Variants in SLC9A9 observed in about 807,000 individuals in gnomAD.
The protein encoded by SLC9A9 is sodium/hydrogen exchanger 9.
SLC9A9 carries 62 observed loss-of-function variants against 77.8 expected under a neutral mutation model. That is an observed-to-expected ratio of 0.80 (90% CI 0.65 to 0.98). The LOEUF is 0.98. Ranked by LOEUF, SLC9A9 falls within the 50% of genes least tolerant of loss-of-function variation. The pLI, the probability that SLC9A9 is intolerant of heterozygous loss-of-function variation, is 0.00. For missense variants in SLC9A9, 775 were observed against 774.9 expected (o/e 1.00, Z 0.00); for synonymous variants, 320 against 283.5 (o/e 1.13, Z -1.29).
intron 8 of SLC9A9, among the ~76,000 whole-genome samples, chr3:143,553,900 A>G (rs1213244906): frequency 2.6e-5 from 4 of 152,218 alleles, no homozygotes; most frequent in Admixed American, 2.6e-4. Context: ...TTAAAAAGCA[A>G]CAAATACCAG....
At chr3:143,824,023 G>A (rs1192725872) in intron 2 of SLC9A9, among the ~76,000 whole-genome samples, 1 of 152,054 alleles carries the variant, frequency 6.6e-6, no homozygotes, top group East Asian at 1.9e-4. Flanking sequence ...GCATTTCACT[G>A]GTGGGTGCAT....
chr3:143,385,830 C>A (rs2033410861), intron 12 of SLC9A9, among the ~76,000 whole-genome samples: 1 of 152,178 alleles, frequency 6.6e-6, no homozygotes. Context: ...ACCCTTTCTG[C>A]TCACCTGATC....
intron 12 of SLC9A9, among the ~76,000 whole-genome samples, chr3:143,459,797 C>G (rs1378328668): frequency 6.6e-6 from 1 of 152,092 alleles, no homozygotes; most frequent in East Asian, 1.9e-4. Context: ...CACAGTGCTG[C>G]ATATTTTCTA....
chr3:143,602,091 T>C (rs765115321), intron 6 of SLC9A9, among the ~76,000 whole-genome samples: 2 of 152,242 alleles, frequency 1.3e-5, no homozygotes, highest in Non-Finnish European at 2.9e-5. Flanking sequence ...TAAAAACTAA[T>C]TGTTCCTACA....
intron 1 of SLC9A9, 56 bp from the exon 2 acceptor site, chr3:143,832,277 A>C: frequency 6.9e-7 from 1 of 1,448,470 alleles, no homozygotes; most frequent in Non-Finnish European, 9.6e-7. Context: ...AAATGCCACT[A>C]TTGGAAACCT....
intron 7 of SLC9A9, among the ~76,000 whole-genome samples, 193 bp downstream of exon 7, chr3:143,578,392 C>T (rs991848339): frequency 3.9e-5 from 6 of 152,174 alleles, no homozygotes; most frequent in Admixed American, 2.6e-4. Context: ...AGAGCTTGGG[C>T]CCCTCTGCCA....
At chr3:143,310,140 T>C (rs1223486879) in intron 14 of SLC9A9, among the ~76,000 whole-genome samples, 1 of 152,234 alleles carries the variant, frequency 6.6e-6, no homozygotes, top group Non-Finnish European at 1.5e-5. Context: ...GCAGTGCTGC[T>C]GAACTGACAG....
At chr3:143,398,924 A>T (rs1559898551) in intron 12 of SLC9A9, among the ~76,000 whole-genome samples, 1 of 152,134 alleles carries the variant, frequency 6.6e-6, no homozygotes, top group Admixed American at 6.6e-5. Flanking sequence ...AACACTCTGT[A>T]AGACCATATT....
chr3:143,622,113 T>C (rs988413773), intron 6 of SLC9A9, among the ~76,000 whole-genome samples: 1 of 152,174 alleles, frequency 6.6e-6, no homozygotes, highest in African/African-American at 2.4e-5. Flanking sequence ...TATGGGACTA[T>C]GTGAAAAGAC....
chr3:143,713,227 A>G (rs1160179421), intron 4 of SLC9A9, among the ~76,000 whole-genome samples: 1 of 152,240 alleles, frequency 6.6e-6, no homozygotes, highest in African/African-American at 2.4e-5. Context: ...ATGGAAGCTT[A>G]TTGTGCAGAC....
At chr3:143,823,733 A>T (rs2009229485) in intron 2 of SLC9A9, among the ~76,000 whole-genome samples, 1 of 151,778 alleles carries the variant, frequency 6.6e-6, no homozygotes, top group Non-Finnish European at 1.5e-5. Context: ...TTAAAGGTAG[A>T]TGTTATCAAA....
At chr3:143,343,897 C>G (rs2032184232) in intron 14 of SLC9A9, among the ~76,000 whole-genome samples, 1 of 152,186 alleles carries the variant, frequency 6.6e-6, no homozygotes, top group African/African-American at 2.4e-5. Context: ...GTCTAACCAG[C>G]TTGCAAGTTA....
At chr3:143,594,248 C>T (rs964208154) in intron 6 of SLC9A9, among the ~76,000 whole-genome samples, 1 of 152,136 alleles carries the variant, frequency 6.6e-6, no homozygotes, top group Non-Finnish European at 1.5e-5. Context: ...ATTTTAGAGT[C>T]TTAAATACTG....
chr3:143,691,669 C>G (rs1327386984), intron 5 of SLC9A9, among the ~76,000 whole-genome samples: 1 of 152,092 alleles, frequency 6.6e-6, no homozygotes, highest in African/African-American at 2.4e-5. Context: ...AGTCCTTCCT[C>G]CTTCTAAATA....
chr3:143,623,000 A>T (rs187990360), intron 6 of SLC9A9, among the ~76,000 whole-genome samples: 1 of 152,304 alleles, frequency 6.6e-6, no homozygotes, highest in Admixed American at 6.5e-5. Flanking sequence ...ACCAACAAAG[A>T]CCAAAAGAGA....
intron 9 of SLC9A9, among the ~76,000 whole-genome samples, chr3:143,500,331 AT>A (rs1169857161): frequency 6.6e-6 from 1 of 152,106 alleles, no homozygotes; most frequent in Non-Finnish European, 1.5e-5. Context: ...TTATTAGGAA[AT>A]TGTGTTACTT....
intron 4 of SLC9A9, among the ~76,000 whole-genome samples, chr3:143,749,195 CTT>C (rs1935276330): frequency 6.6e-6 from 1 of 152,198 alleles, no homozygotes. Context: ...TCTCACATCT[CTT>C]TGCCTTATTT....
chr3:143,340,894 T>C (rs2032078429), intron 14 of SLC9A9, among the ~76,000 whole-genome samples: 1 of 152,198 alleles, frequency 6.6e-6, no homozygotes, highest in Non-Finnish European at 1.5e-5. Context: ...CTATTGAAAT[T>C]TGCTAGTCAT....
rs142633610 is a variant in SLC9A9, at chr3:143,404,298, C to T, written c.1470-22184G>A. ...GAGTGATTCTCCTGCCTCAGCCTCC[C>T]GAGTAGCTGGGATTACAGGTGCCTG... On this transcript the variant is annotated intron_variant, in intron 12 of 15. Transcript: ENST00000316549. 7.9e-3 allele frequency among the ~76,000 whole-genome samples: 1,199 copies of T among 151,804 alleles called. 16 individuals carry two copies. Among genetic ancestry groups the T allele is most frequent in the African/African-American group, 0.027 (1,122 of 41,404 alleles).
Sources: allele counts gnomAD v4.1 joint callset (sites outside exome capture counted in the v4.1 genomes callset), GRCh38; gene constraint gnomAD v4.1.1; transcripts MANE v1.5; gene names NCBI Gene and HGNC (gene_info 2026-07-23, HGNC 2026-07-21).